Variants in COL5A1 observed in about 807,000 individuals in gnomAD.
The protein encoded by COL5A1 is collagen alpha-1(V) chain.
Under a neutral mutation model 263.7 loss-of-function variants are expected in COL5A1, and 16 were observed. That is an observed-to-expected ratio of 0.06 (90% CI 0.04 to 0.09). The LOEUF (loss-of-function observed/expected upper bound fraction) is 0.09. COL5A1 is among the 10% of genes least tolerant of loss of function. The probability of loss-of-function intolerance (pLI) is 1.00; values close to 1 mark genes in which losing one functional copy is unlikely to be tolerated. For missense variants in COL5A1, 2,036 were observed against 2,540.5 expected (o/e 0.80, Z 4.27); for synonymous variants, 1,012 against 1,004.5 (o/e 1.01, Z -0.14).
rs773709219 is a variant in COL5A1, at chr9:134,842,247, G to T, written c.5461G>T (p.Gly1821Cys). ...PIVDIMFNDF[G>C]EASQKFGFEV... ...CGTGGACATCATGTTCAATGACTTCGGTGAAGCGTCACAGAAATTTGGATT... is the reference window on the plus strand; with the variant it reads ...CGTGGACATCATGTTCAATGACTTCTGTGAAGCGTCACAGAAATTTGGATT... The change falls in exon 66 of 66, where the codon GGT (glycine) becomes TGT (cysteine). Residue 1821 changes from glycine (G) to cysteine (C), a missense_variant. This residue lies in a region of COL5A1 where 358 missense variants were observed against 384.6 expected (regional missense o/e 0.93). Transcript: ENST00000371817. This position sits in a 1 kb window ranked among gnomAD's most constrained non-coding sequence, Gnocchi z 5.8. 6.2e-7 allele frequency: 1 copy of T among 1,614,174 alleles called. No individual in the cohort carries two copies. The highest frequency in any genetic ancestry group is 8.5e-7 in the Non-Finnish European group (1 of 1,180,024).
At chr9:134,778,727 C>T (rs1338701788) in intron 27 of COL5A1, among the ~76,000 whole-genome samples, 2 of 152,316 alleles carry the variant, frequency 1.3e-5, no homozygotes, top group South Asian at 2.1e-4. Context: ...CTAGTGGTGG[C>T]GGCCAGGTGT....
In COL5A1 at chr9:134,641,999, C is replaced by T. The variant is rs1187480572; in HGVS notation, c.-189C>T. On this transcript the variant is annotated 5_prime_UTR_variant, in exon 1 of 66. Coordinates refer to ENST00000371817, the MANE Select transcript of COL5A1 (RefSeq NM_000093.5). ...AAAGTCGAGCCCTCCCGCCCGTGGG[C>T]GAGCGCGCCAGCCGCCCCTTCCAGA... 6 of 482,866 alleles carry T rather than the reference C, an allele frequency of 1.2e-5. No homozygotes were observed. The highest frequency in any genetic ancestry group is 1.6e-5 in the Non-Finnish European group (5 of 304,600). The allele number at this position is 482,866 out of a possible 1,614,324, so 29.9% of individuals were successfully genotyped here.
At chr9:134,826,499 GCATGTGGATGGTGTGTGGGCA>G (rs1839267879) in intron 63 of COL5A1, among the ~76,000 whole-genome samples, 1 of 152,194 alleles carries the variant, frequency 6.6e-6, no homozygotes, top group African/African-American at 2.4e-5. Flanking sequence ...GAGTTTGTGT[GCATGTGGATGGTGTGTGGGCA>G]CATGTGGATG....
At chr9:134,687,855 T>C (rs1258860792) in intron 1 of COL5A1, among the ~76,000 whole-genome samples, 2 of 152,250 alleles carry the variant, frequency 1.3e-5, no homozygotes, top group East Asian at 3.9e-4. Context: ...CGGTGGCCAC[T>C]GTTGATTCTG....
At chr9:134,747,209 C>T (rs1044079908) in intron 11 of COL5A1, among the ~76,000 whole-genome samples, 1 of 152,204 alleles carries the variant, frequency 6.6e-6, no homozygotes, top group South Asian at 2.1e-4. Flanking sequence ...ATCTACGTTC[C>T]CATTCTTTGG....
At chr9:134,694,321 G>A (rs559179385) in intron 2 of COL5A1, among the ~76,000 whole-genome samples, 5 of 152,260 alleles carry the variant, frequency 3.3e-5, no homozygotes, top group Non-Finnish European at 5.9e-5. Flanking sequence ...CCGCACAGGC[G>A]TTGACCTCTG....
At chr9:134,771,595 C>T (rs1488690597) in intron 25 of COL5A1, among the ~76,000 whole-genome samples, 1 of 152,256 alleles carries the variant, frequency 6.6e-6, no homozygotes, top group Non-Finnish European at 1.5e-5. Context: ...TTAAAAGTCA[C>T]ACACGAACCA....
chr9:134,781,637 G>A (rs866972585), intron 28 of COL5A1, among the ~76,000 whole-genome samples: 5 of 152,306 alleles, frequency 3.3e-5, no homozygotes, highest in South Asian at 2.1e-4. Flanking sequence ...GAGAGCTCCC[G>A]CACTGTTCCC....
At chr9:134,733,130 C>T (rs895475916) in intron 9 of COL5A1, among the ~76,000 whole-genome samples, 6 of 152,220 alleles carry the variant, frequency 3.9e-5, no homozygotes, top group Non-Finnish European at 8.8e-5. Context: ...GACTCAGTTC[C>T]TGAGGGCTGA....
Position 134,839,872 on chromosome 9 carries a change from C to G in COL5A1, c.5371-2285C>G, listed in dbSNP as rs536896477. On this transcript the variant is annotated intron_variant, in intron 65 of 65. Transcript: ENST00000371817. ...AGAGCTGCAACTGGCCCCTGCCCTC[C>G]GTTCCACAGGAGAGCTGTGGCCACC... Among the ~76,000 whole-genome samples the G allele has an allele frequency of 2.6e-5, 4 of 152,396 alleles. No individual in the cohort carries two copies. The South Asian group carries it at 6.2e-4, about 24-fold the overall frequency.
At chr9:134,833,200 C>T (rs554840085) in intron 64 of COL5A1, among the ~76,000 whole-genome samples, 60 of 152,316 alleles carry the variant, frequency 3.9e-4, no homozygotes, top group Middle Eastern at 3.4e-3. Context: ...TGCTTCATTT[C>T]GGGGAGCTAA....
chr9:134,764,725 A>T (rs969616154), intron 20 of COL5A1, among the ~76,000 whole-genome samples: 1 of 152,074 alleles, frequency 6.6e-6, no homozygotes, highest in Non-Finnish European at 1.5e-5. Context: ...GTGCCTGCAG[A>T]CTCATTTGGG....
In COL5A1 at chr9:134,817,934, T is replaced by C. The variant is rs11792894; in HGVS notation, c.4230+103T>C. 0.56 allele frequency: 691,326 copies of C among 1,229,326 alleles called. 197,405 individuals are homozygous for C. Among genetic ancestry groups the C allele is most frequent in the African/African-American group, 0.8 (53,310 of 67,040 alleles). The allele number at this position is 1,229,326 out of a possible 1,614,324, so 76.2% of individuals were successfully genotyped here. ...TGTGGGCAGAGATGTCCATGGAGGC[T>C]GAGAGTGGCTGCCCCAGGGGCACCT... On this transcript the variant is annotated intron_variant, in intron 54 of 65. Coordinates refer to ENST00000371817, the MANE Select transcript of COL5A1 (RefSeq NM_000093.5).
At chr9:134,823,395 G>A (rs1160790891) in intron 60 of COL5A1, 21 bp from the exon 61 acceptor site, 3 of 1,614,134 alleles carry the variant, frequency 1.9e-6, no homozygotes, top group Non-Finnish European at 2.5e-6. Flanking sequence ...ACCAAGGGTT[G>A]ATTCTTTTCT....
Position 134,842,498 on chromosome 9 carries a change from C to A in COL5A1, c.*195C>A. 12 of 669,480 alleles carry A rather than the reference C, an allele frequency of 1.8e-5. No individual in the cohort carries two copies. Among genetic ancestry groups the A allele is most frequent in the South Asian group, 1.3e-4 (7 of 54,508 alleles). The allele number at this position is 669,480 out of a possible 1,614,324, so 41.5% of individuals were successfully genotyped here. A position where few individuals can be genotyped will look rare whatever the true frequency, so the allele number is the denominator to read the frequency against. On this transcript the variant is annotated 3_prime_UTR_variant, in exon 66 of 66. Coordinates refer to ENST00000371817, the MANE Select transcript of COL5A1 (RefSeq NM_000093.5). This position sits in a 1 kb window ranked among gnomAD's most constrained non-coding sequence, Gnocchi z 5.8. ...GAACAGAGGGAAGGAGCCGCGCCCC[C>A]ACCTGGAGCTGAATCACATGACCTA... is the stretch of plus-strand genomic sequence containing the variant.
intron 9 of COL5A1, among the ~76,000 whole-genome samples, chr9:134,736,326 G>A (rs907166397): frequency 2.6e-5 from 4 of 152,250 alleles, no homozygotes; most frequent in South Asian, 2.1e-4. Flanking sequence ...CACATCTGGC[G>A]AGGGCCTTCT....
At chr9:134,829,884 G>T (rs1013461690) in intron 63 of COL5A1, 92 bp from the exon 64 acceptor site, 20 of 1,411,932 alleles carry the variant, frequency 1.4e-5, no homozygotes, top group Non-Finnish European at 1.8e-5. Context: ...AGGCGCGGGG[G>T]CCGGGAAAGC....
rs531402080 is a variant in COL5A1 at position 134,778,341 on chromosome 9, C to T, written c.2386-1761C>T. Among the ~76,000 whole-genome samples the T allele has an allele frequency of 2.0e-5, 3 of 152,354 alleles. No individual in the cohort carries two copies. In the East Asian group the frequency reaches 5.8e-4, roughly 29 times the overall value. ...CCGGGCCCACAGGTGCTGCCAAGCGCGTGCTGTGCTCAGTGGGGGCAGTGG... is the reference window on the plus strand; with the variant it reads ...CCGGGCCCACAGGTGCTGCCAAGCGTGTGCTGTGCTCAGTGGGGGCAGTGG... On this transcript the variant is annotated intron_variant, in intron 27 of 65. Coordinates refer to ENST00000371817, the MANE Select transcript of COL5A1 (RefSeq NM_000093.5).
chr9:134,837,458 C>A (rs1839886128), intron 65 of COL5A1, among the ~76,000 whole-genome samples: 1 of 151,996 alleles, frequency 6.6e-6, no homozygotes, highest in South Asian at 2.1e-4. Flanking sequence ...GCTTTTAAGA[C>A]CTTCCTGGAA....
Sources: gnomAD v4.1 joint callset for allele counts (sites outside exome capture counted in the v4.1 genomes callset) on GRCh38, gnomAD v4.1.1 for gene constraint, gnomAD v4.1.1 regional missense constraint, Gnocchi (gnomAD v3.1) non-coding constraint, MANE v1.5 for transcripts, NCBI Gene and HGNC (gene_info 2026-07-23, HGNC 2026-07-21) for gene names.